CSTF3: variants seen among roughly 807,000 people sequenced by gnomAD.
CSTF3 encodes the protein CF-1 77 kDa subunit.
Under a neutral mutation model 105.8 loss-of-function variants are expected in CSTF3, and 29 were observed. The ratio of observed to expected loss-of-function variants is 0.27; its 90% CI spans 0.20 to 0.37. The LOEUF is 0.37. Ranked by LOEUF, CSTF3 falls within the 10% of genes least tolerant of loss-of-function variation. The probability of loss-of-function intolerance (pLI) is 1.00; values close to 1 mark genes in which losing one functional copy is unlikely to be tolerated. For synonymous variants in CSTF3, 252 were observed against 281.9 expected (o/e 0.89, Z 1.06); for missense variants, 357 against 879.3 (o/e 0.41, Z 7.51).
intron 3 of CSTF3, among the ~76,000 whole-genome samples, chr11:33,137,815 A>C (rs1260555650): frequency 3.3e-5 from 5 of 151,786 alleles, no homozygotes; most frequent in East Asian, 1.9e-4. Context: ...AAATCACCAT[A>C]ATCTATATAA....
chr11:33,094,255 A>G (rs1404597484), intron 15 of CSTF3, among the ~76,000 whole-genome samples: 1 of 152,242 alleles, frequency 6.6e-6, no homozygotes, highest in Non-Finnish European at 1.5e-5. Flanking sequence ...CAACAGTCCT[A>G]TGAAAGGTAT....
chr11:33,146,887 C>T (rs1164337639), intron 1 of CSTF3, among the ~76,000 whole-genome samples: 2 of 151,920 alleles, frequency 1.3e-5, no homozygotes, highest in Admixed American at 1.3e-4. Context: ...AATTTTAGGC[C>T]AGGCATGGTA....
intron 3 of CSTF3, among the ~76,000 whole-genome samples, chr11:33,132,897 A>G (rs1206343672): frequency 6.6e-6 from 1 of 152,074 alleles, no homozygotes; most frequent in African/African-American, 2.4e-5. Context: ...TGGTCAAGTA[A>G]ATCAATATAG....
At chr11:33,098,374 G>A (rs544277409) in intron 13 of CSTF3, among the ~76,000 whole-genome samples, 78 of 152,334 alleles carry the variant, frequency 5.1e-4, no homozygotes, top group African/African-American at 1.8e-3. Flanking sequence ...GAAAGTGTTA[G>A]AGAAAGTGCC....
chr11:33,091,409 A>C (rs1381085535), intron 16 of CSTF3, among the ~76,000 whole-genome samples: 1 of 152,122 alleles, frequency 6.6e-6, no homozygotes, highest in Non-Finnish European at 1.5e-5. Flanking sequence ...AAAATCCTAC[A>C]CTGGTGGACA....
chr11:33,150,863 A>G (rs1369151413), intron 1 of CSTF3, among the ~76,000 whole-genome samples: 1 of 152,172 alleles, frequency 6.6e-6, no homozygotes, highest in Non-Finnish European at 1.5e-5. Context: ...CTCAAAAAAA[A>G]AAAAAAGGTT....
chr11:33,146,479 G>A (rs1440967007), intron 1 of CSTF3, among the ~76,000 whole-genome samples: 2 of 152,044 alleles, frequency 1.3e-5, no homozygotes, highest in Non-Finnish European at 2.9e-5. Context: ...CTTGACCCCA[G>A]GAGTTCAAGG....
chr11:33,134,603 T>G (rs1454043688), intron 3 of CSTF3: 1 of 152,208 alleles, frequency 6.6e-6, no homozygotes. Context: ...TAGTCTAATG[T>G]AATTCTAAAT....
chr11:33,154,518 A>C (rs952643940), intron 1 of CSTF3, among the ~76,000 whole-genome samples: 10 of 120,384 alleles, frequency 8.3e-5, no homozygotes, highest in African/African-American at 1.4e-4. Context: ...TTTTTTTGAG[A>C]TGAAGTCTCA....
chr11:33,103,627 G>C (rs1447818992), intron 8 of CSTF3, among the ~76,000 whole-genome samples: 1 of 152,100 alleles, frequency 6.6e-6, no homozygotes, highest in Non-Finnish European at 1.5e-5. Flanking sequence ...AAAATTAGCT[G>C]GGTGTGGTGG....
chr11:33,093,651 T>G (rs1040990035), intron 15 of CSTF3, among the ~76,000 whole-genome samples: 5 of 152,210 alleles, frequency 3.3e-5, no homozygotes, highest in African/African-American at 9.6e-5. Flanking sequence ...GTACTAAGTC[T>G]TTGAAATCTG....
intron 20 of CSTF3, 84 bp downstream of exon 20, chr11:33,085,629 T>A: frequency 7.8e-7 from 1 of 1,279,458 alleles, no homozygotes; most frequent in Non-Finnish European, 1.1e-6. Context: ...TTTCGAAAAC[T>A]TCAGTGGCAG....
At chr11:33,118,858 T>C (rs1165557389) in intron 3 of CSTF3, among the ~76,000 whole-genome samples, 3 of 151,832 alleles carry the variant, frequency 2.0e-5, no homozygotes, top group Non-Finnish European at 4.4e-5. Context: ...TTATTGCACA[T>C]CAACTTATAG....
intron 1 of CSTF3, among the ~76,000 whole-genome samples, chr11:33,150,189 T>C (rs539428603): frequency 5.1e-5 from 7 of 135,988 alleles, no homozygotes; most frequent in African/African-American, 1.7e-4. Context: ...CAGTCCAGCC[T>C]GGGCAACAGA....
At chr11:33,101,728 A>C (rs771007054) in intron 10 of CSTF3, among the ~76,000 whole-genome samples, 8 of 152,166 alleles carry the variant, frequency 5.3e-5, no homozygotes, top group Non-Finnish European at 8.8e-5. Context: ...TGTAAACCAC[A>C]GTCAAGAGAA....
chr11:33,104,254 A>G (rs911628075), intron 8 of CSTF3, among the ~76,000 whole-genome samples: 10 of 152,346 alleles, frequency 6.6e-5, no homozygotes, highest in African/African-American at 2.4e-4. Flanking sequence ...CAGGGAGTCC[A>G]TGAGATCAAA....
At chr11:33,134,192 T>A (rs1288132412) in intron 3 of CSTF3, among the ~76,000 whole-genome samples, 1 of 152,218 alleles carries the variant, frequency 6.6e-6, no homozygotes, top group Non-Finnish European at 1.5e-5. Context: ...TCAAAGTAAT[T>A]TCAAAATAAA....
chr11:33,144,627 C>T (rs144659059), intron 1 of CSTF3, among the ~76,000 whole-genome samples: 8 of 152,264 alleles, frequency 5.3e-5, no homozygotes, highest in African/African-American at 1.7e-4. Flanking sequence ...CCCAAATAAA[C>T]TTAAGAGAGA....
intron 3 of CSTF3, among the ~76,000 whole-genome samples, chr11:33,123,183 G>C (rs1320149628): frequency 1.4e-5 from 2 of 145,940 alleles, no homozygotes; most frequent in African/African-American, 2.5e-5. Flanking sequence ...CTCTTGTAAA[G>C]ATGAAAAAAA....
Sources: allele counts gnomAD v4.1 joint callset (sites outside exome capture counted in the v4.1 genomes callset), GRCh38; gene constraint gnomAD v4.1.1; transcripts MANE v1.5; gene names NCBI Gene and HGNC (gene_info 2026-07-23, HGNC 2026-07-21).